The following FOXK1 variants were observed in gnomAD, a reference collection of about 807,000 sequenced individuals.
The protein encoded by FOXK1 is forkhead box protein K1.
Under a neutral mutation model 51.9 loss-of-function variants are expected in FOXK1, and 19 were observed. The ratio of observed to expected loss-of-function variants is 0.37; its 90% CI spans 0.26 to 0.54. The LOEUF (loss-of-function observed/expected upper bound fraction) is 0.54. Ranked by LOEUF, FOXK1 falls within the 20% of genes least tolerant of loss-of-function variation. The pLI is 0.87. For missense variants in FOXK1, 870 were observed against 1,032.7 expected (o/e 0.84, Z 2.16); for synonymous variants, 537 against 482.6 (o/e 1.11, Z -1.48).
At chr7:4,759,256 C>T (rs1156421476) in intron 6 of FOXK1, 39 bp downstream of exon 6, 9 of 859,714 alleles carry the variant, frequency 1.0e-5, no homozygotes, top group African/African-American at 1.7e-5. Context: ...CGGGGCGGGG[C>T]GGGACTCGTG....
intron 1 of FOXK1, among the ~76,000 whole-genome samples, chr7:4,708,441 C>T (rs927991294): frequency 1.3e-5 from 2 of 152,176 alleles, no homozygotes; most frequent in African/African-American, 4.8e-5. Flanking sequence ...AGACCACTTC[C>T]TTGGGAAAGG....
intron 1 of FOXK1, among the ~76,000 whole-genome samples, chr7:4,688,111 C>T (rs1461379037): frequency 2.0e-5 from 3 of 152,070 alleles, no homozygotes; most frequent in Non-Finnish European, 1.5e-5. Context: ...TGGCTGTGGC[C>T]GGCTTCAGCA....
chr7:4,745,884 C>CA lies in FOXK1; in HGVS notation c.746+4871dup, dbSNP rs11381396. On this transcript the variant is annotated intron_variant, in intron 2 of 8. Transcript: ENST00000328914. The surrounding 1 kb of genome is among the most constrained non-coding windows in gnomAD (Gnocchi z 4.3). ...TGGGCGGCAGAGCGAGACTCCATCT[C>CA]AAAAAAAAAAGTGTTTTTAGGAAGG... 0.56 allele frequency among the ~76,000 whole-genome samples: 84,157 copies of CA among 149,446 alleles called. 24,385 individuals carry two copies. Among genetic ancestry groups the CA allele is most frequent in the East Asian group, 0.85 (4,350 of 5,104 alleles).
At position 4,735,766 on chromosome 7, in the gene FOXK1, C is replaced by T. The variant is rs76552106; in HGVS notation, c.561-5072C>T. Reference sequence around the variant, plus strand: ...GCACCTTCACGATGCAAAACGTGCTCGTTCAGACTCCAGCTAGAGCCCTGC... The same window carrying T: ...GCACCTTCACGATGCAAAACGTGCTTGTTCAGACTCCAGCTAGAGCCCTGC... On this transcript the variant is annotated intron_variant, in intron 1 of 8. Coordinates refer to ENST00000328914, the MANE Select transcript of FOXK1 (RefSeq NM_001037165.2). This position sits in a 1 kb window ranked among gnomAD's most constrained non-coding sequence, Gnocchi z 4.7. Among the ~76,000 whole-genome samples the T allele has an allele frequency of 3.3e-3, 510 of 152,280 alleles. 3 individuals carry two copies. The highest frequency in any genetic ancestry group is 0.01 in the African/African-American group (434 of 41,556).
chr7:4,698,796 C>T (rs1426260977), intron 1 of FOXK1, among the ~76,000 whole-genome samples: 1 of 152,198 alleles, frequency 6.6e-6, no homozygotes, highest in African/African-American at 2.4e-5. Context: ...TCAGGTGATC[C>T]TCCCACCTTA....
intron 1 of FOXK1, among the ~76,000 whole-genome samples, chr7:4,719,202 A>G (rs1780277806): frequency 6.6e-6 from 1 of 150,930 alleles, no homozygotes; most frequent in Non-Finnish European, 1.5e-5. Flanking sequence ...TGGCACAATC[A>G]TGGCTCACTG....
chr7:4,730,613 G>A lies in FOXK1; in HGVS notation c.561-10225G>A, dbSNP rs915444944. Among the ~76,000 whole-genome samples, 20 of 152,130 alleles carry A rather than the reference G, an allele frequency of 1.3e-4. No homozygotes were observed. The highest frequency in any genetic ancestry group is 4.3e-4 in the African/African-American group (18 of 41,438). On this transcript the variant is annotated intron_variant, in intron 1 of 8. Coordinates refer to ENST00000328914, the MANE Select transcript of FOXK1 (RefSeq NM_001037165.2). This position sits in a 1 kb window ranked among gnomAD's most constrained non-coding sequence, Gnocchi z 4.7. ...AGTTTGTGCCTTATTTTCCAAAGCC[G>A]CCACACTTGAGACGTCCTTGCTGCG... is the stretch of plus-strand genomic sequence containing the variant.
Position 4,762,314 on chromosome 7 carries a change from A to C in FOXK1, c.2052A>C (p.Pro684=). 1 of 1,550,536 alleles carries C rather than the reference A, an allele frequency of 6.4e-7. No homozygotes were observed. Among genetic ancestry groups the C allele is most frequent in the South Asian group, 1.2e-5 (1 of 84,056 alleles). Residue 684 remains proline, a synonymous_variant, in exon 9 of 9, where the codon CCA becomes CCC. Transcript: ENST00000328914. The surrounding 1 kb of genome is among the most constrained non-coding windows in gnomAD (Gnocchi z 5.7). ...AAVAATATTT[P]ATATTASASA... is the part of the protein sequence containing the mutation. ...TCGCGGCCACGGCCACCACCACCCC[A>C]GCCACTGCCACCACCGCCTCTGCCT...
In FOXK1 at chr7:4,707,649, C is replaced by T. The variant is rs115529789; in HGVS notation, c.560+24781C>T. ...AGTTGGCGTGTTCCCCGGTGCCATT[C>T]GTATCTGATTCATGCGTGTGCGACC... On this transcript the variant is annotated intron_variant, in intron 1 of 8. Transcript: ENST00000328914. This position sits in a 1 kb window ranked among gnomAD's most constrained non-coding sequence, Gnocchi z 4.1. Among the ~76,000 whole-genome samples the T allele has an allele frequency of 1.2e-4, 18 of 151,286 alleles. No homozygotes were observed. The highest frequency in any genetic ancestry group is 2.7e-4 in the African/African-American group (11 of 41,074).
At chr7:4,716,697 C>T (rs1780239473) in intron 1 of FOXK1, among the ~76,000 whole-genome samples, 1 of 152,134 alleles carries the variant, frequency 6.6e-6, no homozygotes, top group Non-Finnish European at 1.5e-5. Flanking sequence ...CCAGTGAGGG[C>T]ACAGCAGGTT....
intron 1 of FOXK1, among the ~76,000 whole-genome samples, chr7:4,727,672 G>T (rs1780397958): frequency 6.6e-6 from 1 of 152,222 alleles, no homozygotes; most frequent in Non-Finnish European, 1.5e-5. Context: ...AGTGCTGAGG[G>T]CGGCCTGCTG....
At position 4,745,408 on chromosome 7, in the gene FOXK1, C is replaced by A. The variant is rs1211129243; in HGVS notation, c.746+4385C>A. 6.6e-6 allele frequency among the ~76,000 whole-genome samples: 1 copy of A among 152,086 alleles called. No homozygotes were observed. The highest frequency in any genetic ancestry group is 1.5e-5 in the Non-Finnish European group (1 of 68,026). ...CCGCGCCACCCTGCGTCCTTCCTTT[C>A]CGTTTCTCGCAGGCCCTCGCTCCTT... On this transcript the variant is annotated intron_variant, in intron 2 of 8. Transcript: ENST00000328914. This position sits in a 1 kb window ranked among gnomAD's most constrained non-coding sequence, Gnocchi z 4.3.
Position 4,763,802 on chromosome 7 carries a change from A to AG in FOXK1, c.*1340dup, listed in dbSNP as rs1383291305. 6.6e-6 allele frequency: 1 copy of AG among 152,300 alleles called. No homozygotes were observed. The highest frequency in any genetic ancestry group is 1.5e-5 in the Non-Finnish European group (1 of 68,088). 9.4% of individuals were successfully genotyped at this position (152,300 alleles called of 1,614,324 possible). On this transcript the variant is annotated 3_prime_UTR_variant, in exon 9 of 9. Coordinates refer to ENST00000328914, the MANE Select transcript of FOXK1 (RefSeq NM_001037165.2). ...GCTGAGCCCAGCTCAGGAAGGAGAG[A>AG]GGAGTCCTTCAGTGTGTCTTGGAGA...
rs1360939837 is a variant in FOXK1 at position 4,711,835 on chromosome 7, C to T, written c.560+28967C>T. Among the ~76,000 whole-genome samples the T allele has an allele frequency of 2.0e-5, 3 of 152,108 alleles. No individual in the cohort carries two copies. Among genetic ancestry groups the T allele is most frequent in the African/African-American group, 4.8e-5 (2 of 41,408 alleles). On this transcript the variant is annotated intron_variant, in intron 1 of 8. Transcript: ENST00000328914. This position sits in a 1 kb window ranked among gnomAD's most constrained non-coding sequence, Gnocchi z 6.3. ...ACGCAAGGTCAGAGAGAAAAGATTG[C>T]GGCCGGCCGGTGTCAAGGCGGGGGA...
chr7:4,752,380 A>G (rs1780790801), intron 2 of FOXK1, among the ~76,000 whole-genome samples: 1 of 152,214 alleles, frequency 6.6e-6, no homozygotes, highest in South Asian at 2.1e-4. Flanking sequence ...TGTGGGCTCA[A>G]GCGATCCTCC....
chr7:4,746,558 C>T (rs1332570414), intron 2 of FOXK1, among the ~76,000 whole-genome samples: 2 of 151,930 alleles, frequency 1.3e-5, no homozygotes, highest in Non-Finnish European at 2.9e-5. Flanking sequence ...TGCAGTGGCT[C>T]ATGTCTTTAG....
In FOXK1 at chr7:4,682,454, C is replaced by T; in HGVS notation, c.146C>T (p.Pro49Leu). The change falls in exon 1 of 9, where the codon CCG becomes CTG. Residue 49 changes from proline to leucine, a missense_variant. By Grantham distance (98) the Pro-to-Leu change is moderately conservative. This residue lies in a region of FOXK1 where 399 missense variants were observed against 475.6 expected (regional missense o/e 0.84). Coordinates refer to ENST00000328914, the MANE Select transcript of FOXK1 (RefSeq NM_001037165.2). The surrounding 1 kb of genome is among the most constrained non-coding windows in gnomAD (Gnocchi z 7.6). ...CCGGCCCCCGCGCAGCCCCAGCCTC[C>T]GCCCGGGCCGCCGCCGCCGCCGCCA... ...PPPAPAQPQPPPGPPPPPPPP... is the reference protein window; with the variant it reads ...PPPAPAQPQPLPGPPPPPPPP... 1.0e-6 allele frequency: 1 copy of T among 982,978 alleles called. No homozygotes were observed. The highest frequency in any genetic ancestry group is 1.2e-6 in the Non-Finnish European group (1 of 830,074). 60.9% of individuals were successfully genotyped at this position (982,978 alleles called of 1,614,324 possible). A position where few individuals can be genotyped will look rare whatever the true frequency, so the allele number is the denominator to read the frequency against.
intron 1 of FOXK1, among the ~76,000 whole-genome samples, chr7:4,686,777 C>T (rs926658738): frequency 5.3e-5 from 8 of 151,202 alleles, no homozygotes; most frequent in African/African-American, 2.0e-4. Context: ...AGGAGAAAAA[C>T]GGCGTCATCG....
At position 4,715,004 on chromosome 7, in the gene FOXK1, C is replaced by T. The variant is rs1179484805; in HGVS notation, c.561-25834C>T. On this transcript the variant is annotated intron_variant, in intron 1 of 8. Transcript: ENST00000328914. This position sits in a 1 kb window ranked among gnomAD's most constrained non-coding sequence, Gnocchi z 4.5. ...TCTGCATCTTTTTCTTGGTACAGAA[C>T]AGAAGCCACACACCAGCGACAATCA... Among the ~76,000 whole-genome samples the T allele has an allele frequency of 3.3e-5, 5 of 152,146 alleles. No individual in the cohort carries two copies. Among genetic ancestry groups the T allele is most frequent in the Non-Finnish European group, 7.3e-5 (5 of 68,042 alleles).
Sources: allele counts gnomAD v4.1 joint callset (sites outside exome capture counted in the v4.1 genomes callset), GRCh38; gene constraint gnomAD v4.1.1; regional missense constraint gnomAD v4.1.1; non-coding constraint Gnocchi (gnomAD v3.1); transcripts MANE v1.5; gene names NCBI Gene and HGNC (gene_info 2026-07-23, HGNC 2026-07-21).